The following CWC22 variants were observed in gnomAD, a reference collection of about 807,000 sequenced individuals.
The protein encoded by CWC22 is pre-mRNA-splicing factor CWC22 homolog.
Under a neutral mutation model 117.2 loss-of-function variants are expected in CWC22, and 53 were observed. That is an observed-to-expected ratio of 0.45 (90% CI 0.36 to 0.57). The LOEUF is 0.57. CWC22 is among the 20% of genes least tolerant of loss of function. CWC22 has a pLI of 0.00. For synonymous variants in CWC22, 360 were observed against 355.6 expected (o/e 1.01, Z -0.14); for missense variants, 980 against 1,068.8 (o/e 0.92, Z 1.16).
intron 11 of CWC22, 41 bp from the exon 12 acceptor site, chr2:179,966,023 T>A: frequency 6.9e-7 from 1 of 1,448,020 alleles, no homozygotes; most frequent in Non-Finnish European, 9.6e-7. Flanking sequence ...AATGTGCAAG[T>A]CATATACATG....
chr2:179,986,136 C>T (rs1377133974), intron 4 of CWC22, among the ~76,000 whole-genome samples: 1 of 152,030 alleles, frequency 6.6e-6, no homozygotes, highest in Non-Finnish European at 1.5e-5. Flanking sequence ...TTGCCCATTT[C>T]TCAACCAAGG....
chr2:179,951,957 A>G (rs1686461154), intron 17 of CWC22, among the ~76,000 whole-genome samples: 1 of 152,138 alleles, frequency 6.6e-6, no homozygotes, highest in Non-Finnish European at 1.5e-5. Flanking sequence ...GAAATCTGAA[A>G]GGATGATTTC....
chr2:179,954,820 A>T (rs1381492680), intron 15 of CWC22, 137 bp downstream of exon 15: 2 of 593,682 alleles, frequency 3.4e-6, no homozygotes, highest in African/African-American at 3.7e-5. Context: ...AGAGAGTGGG[A>T]AACCTGAGGA....
At chr2:179,958,972 A>T in intron 14 of CWC22, 50 bp downstream of exon 14, 1 of 1,174,482 alleles carries the variant, frequency 8.5e-7, no homozygotes. Flanking sequence ...AGCCTTAAAC[A>T]TTTTTAAAAC....
chr2:179,955,225 C>T (rs1686554773), intron 14 of CWC22, among the ~76,000 whole-genome samples, 191 bp from the exon 15 acceptor site: 1 of 151,992 alleles, frequency 6.6e-6, no homozygotes, highest in Non-Finnish European at 1.5e-5. Flanking sequence ...GTCTGGCTGA[C>T]AGCTTCCACA....
intron 1 of CWC22, among the ~76,000 whole-genome samples, chr2:179,996,215 A>G (rs1687693475): frequency 6.6e-6 from 1 of 152,224 alleles, no homozygotes. Context: ...CCCAATCTTA[A>G]GGAAAAAGAC....
chr2:179,946,483 G>GGGGAGGGA, intron 19 of CWC22, among the ~76,000 whole-genome samples: 1 of 142,602 alleles, frequency 7.0e-6, no homozygotes, highest in Non-Finnish European at 1.5e-5. Context: ...GGGAAGGGGA[G>GGGGAGGGA]GGGAGGGAGG....
At chr2:179,950,457 T>A (rs1686415623) in intron 19 of CWC22, 55 bp downstream of exon 19, 2 of 1,053,316 alleles carry the variant, frequency 1.9e-6, no homozygotes, top group African/African-American at 1.6e-5. Flanking sequence ...TTCATATATA[T>A]CAGCAACATA....
At chr2:179,981,697 A>G in intron 5 of CWC22, 55 bp downstream of exon 5, 1 of 1,473,062 alleles carries the variant, frequency 6.8e-7, no homozygotes, top group Non-Finnish European at 9.4e-7. Flanking sequence ...ACCACAGTTG[A>G]CTTATTTTTC....
At position 179,981,865 on chromosome 2, in the gene CWC22, A is replaced by T; in HGVS notation, c.339T>A (p.Pro113=). The change falls in exon 5 of 20, where the codon CCT becomes CCA. Residue 113 remains proline, a synonymous_variant. Coordinates refer to ENST00000410053, the MANE Select transcript of CWC22 (RefSeq NM_020943.3). The part of the protein sequence containing the change: ...VTQSSSAQDE[P]ATKKKKDELD... ...GCTCATCTTTCTTTTTCTTTGTAGC[A>T]GGTTCATCCTGAGCAGAGGAACTCT... is the stretch of plus-strand genomic sequence containing the variant. 1 of 1,613,268 alleles carries T rather than the reference A, an allele frequency of 6.2e-7. No individual in the cohort carries two copies. Among genetic ancestry groups the T allele is most frequent in the East Asian group, 2.2e-5 (1 of 44,866 alleles).
chr2:179,999,888 A>C (rs1434742152), intron 1 of CWC22, among the ~76,000 whole-genome samples: 1 of 152,150 alleles, frequency 6.6e-6, no homozygotes, highest in Non-Finnish European at 1.5e-5. Flanking sequence ...CAAAATAAAA[A>C]CTGTCTTAAA....
At chr2:179,980,480 C>A (rs915133773) in intron 5 of CWC22, among the ~76,000 whole-genome samples, 3 of 144,412 alleles carry the variant, frequency 2.1e-5, no homozygotes, top group African/African-American at 7.8e-5. Context: ...TGCAGTGGTG[C>A]GATCTCGGCT....
intron 2 of CWC22, among the ~76,000 whole-genome samples, chr2:179,993,041 T>C (rs1687610336): frequency 6.6e-6 from 1 of 152,128 alleles, no homozygotes; most frequent in African/African-American, 2.4e-5. Flanking sequence ...GTACACACAC[T>C]TCTGTATGTT....
At chr2:179,965,410 G>A (rs909263187) in intron 12 of CWC22, among the ~76,000 whole-genome samples, 14 of 152,158 alleles carry the variant, frequency 9.2e-5, no homozygotes, top group African/African-American at 3.1e-4. Flanking sequence ...AAGCTGAAGA[G>A]GAAGAACATA....
intron 1 of CWC22, among the ~76,000 whole-genome samples, chr2:179,996,708 A>G (rs933351180): frequency 2.0e-5 from 3 of 152,126 alleles, no homozygotes; most frequent in African/African-American, 7.2e-5. Context: ...TTACCACTGA[A>G]CTGTACACTT....
chr2:179,990,546 C>CAGAGAG lies in CWC22; in HGVS notation c.28-1908_28-1903dup, dbSNP rs3082436. ...AATGAGAGTGAGTGAGTGAGACAGACAGAGAGAGAGAGAGAGAGAGAGAGA... is the reference window on the plus strand; with the variant it reads ...AATGAGAGTGAGTGAGTGAGACAGACAGAGAGAGAGAGAGAGAGAGAGAGAGAGAGA... On this transcript the variant is annotated intron_variant, in intron 2 of 19. Coordinates refer to ENST00000410053, the MANE Select transcript of CWC22 (RefSeq NM_020943.3). 4.4e-4 allele frequency among the ~76,000 whole-genome samples: 64 copies of CAGAGAG among 144,944 alleles called. 1 individual carries two copies. In the East Asian group the frequency reaches 6.7e-3, roughly 15 times the overall value.
chr2:179,988,462 T>C (rs1687474792), intron 3 of CWC22, 115 bp downstream of exon 3: 1 of 616,940 alleles, frequency 1.6e-6, no homozygotes, highest in South Asian at 2.2e-5. Flanking sequence ...ATATTGGTTA[T>C]AAAACCATTA....
At chr2:179,954,477 A>G (rs762327060) in intron 15 of CWC22, 120 bp from the exon 16 acceptor site, 11 of 610,334 alleles carry the variant, frequency 1.8e-5, no homozygotes, top group Non-Finnish European at 2.7e-5. Context: ...CAAAGAGCAT[A>G]TATCACTAAA....
chr2:179,998,052 G>A (rs760852422), intron 1 of CWC22, among the ~76,000 whole-genome samples: 1 of 152,146 alleles, frequency 6.6e-6, no homozygotes, highest in Non-Finnish European at 1.5e-5. Flanking sequence ...AGAAAGTGTA[G>A]GGGAAACCCA....
Sources: allele counts gnomAD v4.1 joint callset (sites outside exome capture counted in the v4.1 genomes callset), GRCh38; gene constraint gnomAD v4.1.1; transcripts MANE v1.5; gene names NCBI Gene and HGNC (gene_info 2026-07-23, HGNC 2026-07-21).